The following THSD7B variants were observed in gnomAD, a reference collection of about 807,000 sequenced individuals.
THSD7B encodes the protein thrombospondin type-1 domain-containing protein 7B.
A neutral mutation model predicts 213.6 loss-of-function variants in THSD7B; 138 were observed. The observed-to-expected ratio is 0.65, with a 90% confidence interval of 0.56 to 0.74. THSD7B has a LOEUF of 0.74. Ranked by LOEUF, THSD7B falls within the 30% of genes least tolerant of loss-of-function variation. The pLI is 0.00. For synonymous variants in THSD7B, 742 were observed against 687.0 expected, an observed-to-expected ratio of 1.08 and a Z score of -1.25; for missense variants, 1,931 against 1,991.5, an observed-to-expected ratio of 0.97 and a Z score of 0.58.
chr2:137,669,403 G>A (rs1229007941), intron 27 of THSD7B, among the ~76,000 whole-genome samples: 1 of 130,100 alleles, frequency 7.7e-6, no homozygotes, highest in African/African-American at 3.2e-5. Context: ...GTAGTGAAAA[G>A]TTCATCTTCA....
chr2:137,462,131 G>T (rs1344832739), intron 15 of THSD7B, among the ~76,000 whole-genome samples: 1 of 151,946 alleles, frequency 6.6e-6, no homozygotes, highest in African/African-American at 2.4e-5. Context: ...TCCTGCATAG[G>T]GTGATGAAAT....
intron 2 of THSD7B, among the ~76,000 whole-genome samples, chr2:136,957,326 A>G (rs1220861197): frequency 6.6e-6 from 1 of 152,104 alleles, no homozygotes; most frequent in Non-Finnish European, 1.5e-5. Flanking sequence ...GCCAACATGG[A>G]GGACAAGGGA....
At chr2:137,095,164 T>C in intron 4 of THSD7B, 43 bp downstream of exon 4, 1 of 1,602,672 alleles carries the variant, frequency 6.2e-7, no homozygotes. Flanking sequence ...GGAGGCATAA[T>C]TTAATGTTGT....
intron 27 of THSD7B, among the ~76,000 whole-genome samples, chr2:137,668,725 G>A (rs894661306): frequency 2.6e-5 from 4 of 152,000 alleles, no homozygotes; most frequent in East Asian, 1.9e-4. Context: ...GTCAAATAAC[G>A]CATATTTTGT....
At chr2:137,635,381 G>A (rs1360434713) in intron 20 of THSD7B, among the ~76,000 whole-genome samples, 1 of 152,200 alleles carries the variant, frequency 6.6e-6, no homozygotes, top group Non-Finnish European at 1.5e-5. Context: ...AGTCTAGAGA[G>A]TTTCCAAGGA....
At chr2:137,460,876 T>A (rs1687870212) in intron 15 of THSD7B, among the ~76,000 whole-genome samples, 1 of 152,104 alleles carries the variant, frequency 6.6e-6, no homozygotes, top group Admixed American at 6.6e-5. Context: ...GCCACCTTCC[T>A]CTCACCAAAT....
At chr2:137,429,847 G>T (rs1687135747) in intron 14 of THSD7B, among the ~76,000 whole-genome samples, 1 of 152,106 alleles carries the variant, frequency 6.6e-6, no homozygotes. Context: ...ATTTGAGTTG[G>T]TTTTATTTTT....
chr2:136,792,711 C>T (rs1201740292), intron 1 of THSD7B, among the ~76,000 whole-genome samples: 2 of 151,918 alleles, frequency 1.3e-5, no homozygotes, highest in Non-Finnish European at 2.9e-5. Flanking sequence ...GATTATTTTC[C>T]CCATTAATCA....
rs1376375096 is a variant in THSD7B, at chr2:137,487,985, G to A, written c.3138+36962G>A. Among the ~76,000 whole-genome samples, 6 of 14,092 alleles carry A rather than the reference G, an allele frequency of 4.3e-4. 3 individuals are homozygous for A. Among genetic ancestry groups the A allele is most frequent in the African/African-American group, 8.8e-4 (6 of 6,790 alleles). 9.2% of individuals were successfully genotyped at this position (14,092 alleles called of 152,430 possible). A position where few individuals can be genotyped will look rare whatever the true frequency, so the allele number is the denominator to read the frequency against. ...TCACCGTTTTAGCCGGGATGGTCTC[G>A]ATCTCCTGACCTCGTGATCCGCCCG... On this transcript the variant is annotated intron_variant, in intron 15 of 27. Coordinates refer to ENST00000409968, the MANE Select transcript of THSD7B (RefSeq NM_001316349.2).
In THSD7B at chr2:136,971,995, A is replaced by T. The variant is rs149242761; in HGVS notation, c.140-84425A>T. ...TTCAATTATGATAAAGTCCAGACACAGAAAGCAAATGTACTCTTCTGATAC... is the reference window on the plus strand; with the variant it reads ...TTCAATTATGATAAAGTCCAGACACTGAAAGCAAATGTACTCTTCTGATAC... On this transcript the variant is annotated intron_variant, in intron 2 of 27. Coordinates refer to ENST00000409968, the MANE Select transcript of THSD7B (RefSeq NM_001316349.2). Among the ~76,000 whole-genome samples, 882 of 152,300 alleles carry T rather than the reference A, an allele frequency of 5.8e-3. 2 individuals are homozygous for T. Among genetic ancestry groups the T allele is most frequent in the Admixed American group, 9.4e-3 (144 of 15,276 alleles).
chr2:137,602,251 G>A (rs748203698), intron 17 of THSD7B, among the ~76,000 whole-genome samples: 16 of 151,886 alleles, frequency 1.1e-4, no homozygotes, highest in East Asian at 1.9e-4. Flanking sequence ...TTTCTTTCTC[G>A]TTTTTTTGTT....
chr2:136,914,034 C>G (rs1421646144), intron 2 of THSD7B, among the ~76,000 whole-genome samples: 1 of 152,146 alleles, frequency 6.6e-6, no homozygotes, highest in Non-Finnish European at 1.5e-5. Context: ...TGAAAGCAGT[C>G]GGGAGGGAGG....
chr2:137,170,531 G>C lies in THSD7B; in HGVS notation c.1526-210G>C, dbSNP rs941126557. Among the ~76,000 whole-genome samples, 3 of 152,056 alleles carry C rather than the reference G, an allele frequency of 2.0e-5. No homozygotes were observed. The East Asian group carries it at 5.8e-4, about 29-fold the overall frequency. On this transcript the variant is annotated intron_variant, in intron 6 of 27. Transcript: ENST00000409968. ...CCAACTCCTAGGTTGTAAACTCTTG[G>C]AAGACAGATTTCCTGCTTTTATTCT...
At chr2:137,012,224 C>T (rs1449917994) in intron 2 of THSD7B, among the ~76,000 whole-genome samples, 1 of 152,142 alleles carries the variant, frequency 6.6e-6, no homozygotes, top group East Asian at 1.9e-4. Context: ...ATGAGTGGAG[C>T]TGAGTTTTTA....
intron 12 of THSD7B, among the ~76,000 whole-genome samples, chr2:137,323,417 T>C (rs1172099920): frequency 5.3e-5 from 8 of 152,208 alleles, no homozygotes; most frequent in African/African-American, 1.9e-4. Context: ...TTCTCCCTTA[T>C]TGACCAACAT....
At chr2:137,311,588 T>A (rs945386299) in intron 12 of THSD7B, among the ~76,000 whole-genome samples, 1 of 152,170 alleles carries the variant, frequency 6.6e-6, no homozygotes. Flanking sequence ...TGTGCCCGTT[T>A]TCAAAGGGAA....
intron 1 of THSD7B, among the ~76,000 whole-genome samples, chr2:136,848,777 CAT>C (rs1683049771): frequency 6.6e-6 from 1 of 152,094 alleles, no homozygotes; most frequent in Non-Finnish European, 1.5e-5. Flanking sequence ...TGTTTAGAGA[CAT>C]GTTAAATTGA....
chr2:137,131,277 T>A (rs558318179), intron 5 of THSD7B, among the ~76,000 whole-genome samples: 2 of 151,840 alleles, frequency 1.3e-5, no homozygotes, highest in African/African-American at 4.8e-5. Context: ...TTCTGGATAT[T>A]AGCCCTTTGT....
chr2:137,387,269 T>C (rs1033404723), intron 12 of THSD7B, among the ~76,000 whole-genome samples: 8 of 152,240 alleles, frequency 5.3e-5, no homozygotes, highest in Admixed American at 3.9e-4. Context: ...ATTTGAGTGC[T>C]CTTGTCTGAG....
Sources: allele counts gnomAD v4.1 joint callset (sites outside exome capture counted in the v4.1 genomes callset), GRCh38; gene constraint gnomAD v4.1.1; transcripts MANE v1.5; gene names NCBI Gene and HGNC (gene_info 2026-07-23, HGNC 2026-07-21).